The following DGKG variants were observed in gnomAD, a reference collection of about 807,000 sequenced individuals.
DGKG encodes the protein diacylglycerol kinase gamma.
A neutral mutation model predicts 105.3 loss-of-function variants in DGKG; 78 were observed. That is an observed-to-expected ratio of 0.74 (90% CI 0.62 to 0.89). The LOEUF (loss-of-function observed/expected upper bound fraction) is 0.89. Among genes scored for constraint, DGKG ranks in the 40% least tolerant of loss-of-function variants. DGKG has a pLI of 0.00. For missense variants in DGKG, 958 were observed against 1,020.1 expected (o/e 0.94, Z 0.83); for synonymous variants, 346 against 367.1 (o/e 0.94, Z 0.66).
chr3:186,247,557 A>C (rs1721002511), intron 19 of DGKG, among the ~76,000 whole-genome samples: 1 of 152,202 alleles, frequency 6.6e-6, no homozygotes, highest in African/African-American at 2.4e-5. Flanking sequence ...AAGTTTGGGA[A>C]GTCAAATAGG....
intron 15 of DGKG, among the ~76,000 whole-genome samples, chr3:186,260,908 T>C (rs1271223286): frequency 1.3e-5 from 2 of 152,136 alleles, no homozygotes; most frequent in Non-Finnish European, 2.9e-5. Flanking sequence ...TACAAAAGCA[T>C]CACAGGACCC....
At chr3:186,243,412 C>T (rs1720781122) in intron 19 of DGKG, among the ~76,000 whole-genome samples, 1 of 152,102 alleles carries the variant, frequency 6.6e-6, no homozygotes, top group African/African-American at 2.4e-5. Flanking sequence ...TCTCCATCCT[C>T]TGACCACAAC....
chr3:186,192,311 C>T (rs1449467019), intron 21 of DGKG, among the ~76,000 whole-genome samples: 1 of 152,162 alleles, frequency 6.6e-6, no homozygotes, highest in East Asian at 1.9e-4. Flanking sequence ...GCCTGGCCCA[C>T]ATTTTCTTTT....
At chr3:186,192,018 A>AT (rs11387682) in intron 21 of DGKG, among the ~76,000 whole-genome samples, 115,613 of 151,906 alleles carry the variant, frequency 0.76, 44,605 homozygotes, top group East Asian at 0.93. Context: ...TCCTTTATTT[A>AT]TTTTTTGAGA....
intron 9 of DGKG, among the ~76,000 whole-genome samples, chr3:186,276,378 T>C (rs1722590044): frequency 6.6e-6 from 1 of 152,242 alleles, no homozygotes; most frequent in African/African-American, 2.4e-5. Context: ...GTAATTTCAT[T>C]AACCTGTTAA....
intron 1 of DGKG, among the ~76,000 whole-genome samples, chr3:186,351,827 C>A (rs1036709083): frequency 1.3e-5 from 2 of 152,156 alleles, no homozygotes; most frequent in African/African-American, 4.8e-5. Flanking sequence ...GGTTCTGACA[C>A]CTTAAAGTAG....
intron 1 of DGKG, among the ~76,000 whole-genome samples, chr3:186,340,415 A>G (rs904838698): frequency 6.6e-5 from 10 of 152,150 alleles, no homozygotes; most frequent in African/African-American, 1.9e-4. Context: ...ATAAATTACA[A>G]CCCAATTGGA....
At chr3:186,345,528 G>A (rs1431553678) in intron 1 of DGKG, among the ~76,000 whole-genome samples, 3 of 152,110 alleles carry the variant, frequency 2.0e-5, no homozygotes, top group Non-Finnish European at 4.4e-5. Context: ...CAGAAGGTGG[G>A]TTATTGAAAA....
intron 1 of DGKG, among the ~76,000 whole-genome samples, chr3:186,340,583 AC>A (rs1446237270): frequency 1.3e-5 from 2 of 152,190 alleles, no homozygotes; most frequent in Non-Finnish European, 2.9e-5. Context: ...TCAGAAAGCC[AC>A]CCTGTTGCTG....
chr3:186,302,512 G>GTATATATATATATACATA (rs1219245968), intron 3 of DGKG, among the ~76,000 whole-genome samples: 10 of 15,124 alleles, frequency 6.6e-4, no homozygotes, highest in Non-Finnish European at 2.4e-4. Flanking sequence ...ATATACATAT[G>GTATATATATATATACATA]TGTATATATA....
At position 186,320,711 on chromosome 3, in the gene DGKG, G is replaced by C. The variant is rs1725035454; in HGVS notation, c.-248-4C>G. 3 of 429,448 alleles carry C rather than the reference G, an allele frequency of 7.0e-6. No homozygotes were observed. In the Admixed American group the frequency reaches 1.2e-4, roughly 18 times the overall value. 26.6% of individuals were successfully genotyped at this position (429,448 alleles called of 1,614,324 possible). A position where few individuals can be genotyped will look rare whatever the true frequency, so the allele number is the denominator to read the frequency against. ...AATTCAGAAGTCCTGGCTCTTCCTAGATAGAAGCAGAAAAGACATTGTAAA... is the reference window on the plus strand; with the variant it reads ...AATTCAGAAGTCCTGGCTCTTCCTACATAGAAGCAGAAAAGACATTGTAAA... On this transcript the variant is annotated splice_polypyrimidine_tract_variant and splice_region_variant and intron_variant, in intron 1 of 24. Coordinates refer to ENST00000265022, the MANE Select transcript of DGKG (RefSeq NM_001346.3).
chr3:186,230,680 G>A (rs554331806), intron 20 of DGKG, among the ~76,000 whole-genome samples: 1 of 152,302 alleles, frequency 6.6e-6, no homozygotes, highest in South Asian at 2.1e-4. Flanking sequence ...GAAGGGCATC[G>A]AGATGGGCCA....
rs142648814 is a variant in DGKG, at chr3:186,292,902, T to A, written c.374-4022A>T. On this transcript the variant is annotated intron_variant, in intron 5 of 24. Transcript: ENST00000265022. Reference sequence around the variant, plus strand: ...AATTATAGAAAAATCTACAAGGAGATTACACACACACACATGTAATTGCAT... The same window carrying A: ...AATTATAGAAAAATCTACAAGGAGAATACACACACACACATGTAATTGCAT... Among the ~76,000 whole-genome samples, 901 of 152,196 alleles carry A rather than the reference T, an allele frequency of 5.9e-3. 17 individuals carry two copies. Among genetic ancestry groups the A allele is most frequent in the African/African-American group, 0.02 (845 of 41,516 alleles).
chr3:186,267,412 G>A (rs567819687), intron 13 of DGKG, among the ~76,000 whole-genome samples: 1 of 152,246 alleles, frequency 6.6e-6, no homozygotes, highest in East Asian at 1.9e-4. Flanking sequence ...CAACAGAGAG[G>A]AGCAGAAAAG....
chr3:186,170,211 A>C (rs1022360047), intron 22 of DGKG, among the ~76,000 whole-genome samples: 1 of 152,236 alleles, frequency 6.6e-6, no homozygotes, highest in East Asian at 1.9e-4. Flanking sequence ...ATGTGTGAGC[A>C]TAGGAGCTAG....
intron 1 of DGKG, among the ~76,000 whole-genome samples, chr3:186,325,295 A>G (rs1171373674): frequency 6.6e-6 from 1 of 152,198 alleles, no homozygotes; most frequent in African/African-American, 2.4e-5. Flanking sequence ...AAAATTGGGT[A>G]CTATGCTCAC....
At chr3:186,303,610 T>G (rs1023062209) in intron 3 of DGKG, among the ~76,000 whole-genome samples, 1 of 152,212 alleles carries the variant, frequency 6.6e-6, no homozygotes, top group Non-Finnish European at 1.5e-5. Flanking sequence ...CTGAAGATCA[T>G]AAAGCGTGTG....
At chr3:186,268,467 G>A (rs1161223443) in intron 12 of DGKG, among the ~76,000 whole-genome samples, 4 of 152,178 alleles carry the variant, frequency 2.6e-5, no homozygotes, top group African/African-American at 9.7e-5. Flanking sequence ...CTCCCACTCT[G>A]TCAGTGTCCC....
intron 14 of DGKG, among the ~76,000 whole-genome samples, chr3:186,264,332 C>T (rs1044686373): frequency 6.6e-6 from 1 of 152,036 alleles, no homozygotes; most frequent in Non-Finnish European, 1.5e-5. Context: ...GGCAGAATCT[C>T]GGCTCACTGC....
Sources: gnomAD v4.1 joint callset for allele counts (sites outside exome capture counted in the v4.1 genomes callset) on GRCh38, gnomAD v4.1.1 for gene constraint, MANE v1.5 for transcripts, NCBI Gene and HGNC (gene_info 2026-07-23, HGNC 2026-07-21) for gene names.